DOCK2: variants seen among roughly 807,000 people sequenced by gnomAD.
DOCK2 encodes the protein dedicator of cytokinesis protein 2.
In DOCK2, 87 loss-of-function variants were observed where a neutral mutation model predicts 248.9. The observed-to-expected ratio is 0.35, with a 90% confidence interval of 0.29 to 0.42. The LOEUF (loss-of-function observed/expected upper bound fraction) is 0.42, where lower values mean the gene tolerates loss of function less well. Among genes scored for constraint, DOCK2 ranks in the 10% least tolerant of loss-of-function variants. The probability of loss-of-function intolerance (pLI) is 1.00; values close to 1 mark genes in which losing one functional copy is unlikely to be tolerated. For missense variants in DOCK2, 1,747 were observed against 2,300.2 expected, an observed-to-expected ratio of 0.76 and a Z score of 4.92; for synonymous variants, 805 against 821.6, an observed-to-expected ratio of 0.98 and a Z score of 0.35.
intron 30 of DOCK2, among the ~76,000 whole-genome samples, chr5:170,006,158 C>G (rs1036776986): frequency 1.3e-5 from 2 of 152,080 alleles, no homozygotes; most frequent in Non-Finnish European, 2.9e-5. Flanking sequence ...ACTGGGATGC[C>G]GGGAGGAAAG....
intron 27 of DOCK2, among the ~76,000 whole-genome samples, chr5:169,911,213 T>A (rs1339017270): frequency 1.3e-5 from 2 of 152,176 alleles, no homozygotes; most frequent in Non-Finnish European, 2.9e-5. Context: ...TGTGCTGTGC[T>A]TTGAAACAGA....
At chr5:169,697,530 C>G (rs1370872188) in intron 10 of DOCK2, among the ~76,000 whole-genome samples, 2 of 152,198 alleles carry the variant, frequency 1.3e-5, no homozygotes, top group East Asian at 3.9e-4. Flanking sequence ...CTATGAATAA[C>G]TTTGGAGCCA....
chr5:170,005,700 C>G (rs1000374208), intron 30 of DOCK2, among the ~76,000 whole-genome samples: 1 of 151,810 alleles, frequency 6.6e-6, no homozygotes, highest in Non-Finnish European at 1.5e-5. Flanking sequence ...AAATCATACA[C>G]TTAAAAAGTG....
chr5:169,703,321 T>C (rs1203944606), intron 14 of DOCK2, among the ~76,000 whole-genome samples: 1 of 152,212 alleles, frequency 6.6e-6, no homozygotes, highest in Non-Finnish European at 1.5e-5. Flanking sequence ...CAAGAATAAC[T>C]AACATTCACA....
chr5:169,716,042 G>A (rs898530517), intron 19 of DOCK2, among the ~76,000 whole-genome samples, 171 bp from the exon 20 acceptor site: 1 of 152,192 alleles, frequency 6.6e-6, no homozygotes, highest in African/African-American at 2.4e-5. Flanking sequence ...ATGGGCAGTT[G>A]GGTTCCTCCA....
At chr5:169,691,978 C>T (rs1266669877) in intron 9 of DOCK2, among the ~76,000 whole-genome samples, 1 of 151,970 alleles carries the variant, frequency 6.6e-6, no homozygotes, top group African/African-American at 2.4e-5. Context: ...GCTTCAGCCT[C>T]CCAAGTAGCT....
intron 25 of DOCK2, among the ~76,000 whole-genome samples, chr5:169,793,367 T>C (rs1766467100): frequency 6.6e-6 from 1 of 152,198 alleles, no homozygotes; most frequent in Non-Finnish European, 1.5e-5. Context: ...TGCACTGTTA[T>C]AGTAAGGAAG....
intron 19 of DOCK2, among the ~76,000 whole-genome samples, chr5:169,715,004 G>A (rs1047814204): frequency 6.6e-6 from 1 of 152,046 alleles, no homozygotes; most frequent in African/African-American, 2.4e-5. Context: ...AGTATGATCT[G>A]TTAGTACTAC....
intron 6 of DOCK2, among the ~76,000 whole-genome samples, chr5:169,676,558 G>A (rs1759346328): frequency 6.6e-6 from 1 of 152,176 alleles, no homozygotes; most frequent in African/African-American, 2.4e-5. Flanking sequence ...CTGCAAGCGA[G>A]AGAGTTGGGC....
intron 27 of DOCK2, among the ~76,000 whole-genome samples, chr5:169,907,203 T>C (rs781019432): frequency 6.6e-6 from 1 of 152,234 alleles, no homozygotes; most frequent in East Asian, 1.9e-4. Flanking sequence ...TTTCTGCTTA[T>C]TGGCAGGCAA....
chr5:169,970,902 A>G (rs1450982478), intron 27 of DOCK2, among the ~76,000 whole-genome samples: 1 of 151,600 alleles, frequency 6.6e-6, no homozygotes, highest in Non-Finnish European at 1.5e-5. Flanking sequence ...ATCCGAATAT[A>G]CGTATGGGAG....
intron 34 of DOCK2, among the ~76,000 whole-genome samples, chr5:170,028,858 A>G (rs370007103): frequency 1.1e-4 from 17 of 152,118 alleles, no homozygotes; most frequent in East Asian, 5.8e-4. Flanking sequence ...AATGTTTTCA[A>G]GGTTCATCCA....
At chr5:169,809,292 G>C (rs2113170861) in intron 26 of DOCK2, among the ~76,000 whole-genome samples, 1 of 152,286 alleles carries the variant, frequency 6.6e-6, no homozygotes, top group African/African-American at 2.4e-5. Flanking sequence ...CGCCCGGCCA[G>C]GTTTTGATGT....
intron 12 of DOCK2, 92 bp downstream of exon 12, chr5:169,699,550 T>C: frequency 4.0e-6 from 5 of 1,246,870 alleles, no homozygotes; most frequent in South Asian, 1.4e-5. Flanking sequence ...AACCCTGGGA[T>C]ACTTAGCTTT....
intron 27 of DOCK2, among the ~76,000 whole-genome samples, chr5:169,896,283 A>G (rs114831411): frequency 0.01 from 1,555 of 152,308 alleles, 20 homozygotes; most frequent in African/African-American, 0.036. Flanking sequence ...GTTTATCTGA[A>G]GTACCGGGAC....
intron 26 of DOCK2, among the ~76,000 whole-genome samples, chr5:169,835,863 G>A (rs1769544298): frequency 6.6e-6 from 1 of 151,578 alleles, no homozygotes; most frequent in Admixed American, 6.6e-5. Flanking sequence ...CTGGGCTCAA[G>A]CCTGCCTCAG....
chr5:169,874,439 G>A (rs369491767), intron 27 of DOCK2, among the ~76,000 whole-genome samples: 38 of 146,862 alleles, frequency 2.6e-4, no homozygotes, highest in African/African-American at 8.8e-4. Flanking sequence ...AAAAGCAATT[G>A]GTGGTCTGTG....
intron 26 of DOCK2, among the ~76,000 whole-genome samples, chr5:169,830,230 C>CTA (rs1769132126): frequency 6.6e-6 from 1 of 152,156 alleles, no homozygotes. Flanking sequence ...CGTAGCAGAT[C>CTA]TATAAGGTTA....
At chr5:169,768,386 T>C (rs1197219183) in intron 25 of DOCK2, among the ~76,000 whole-genome samples, 3 of 152,254 alleles carry the variant, frequency 2.0e-5, no homozygotes, top group African/African-American at 4.8e-5. Context: ...CTATGCTTTA[T>C]TCTTATGAGG....
Sources: allele counts gnomAD v4.1 joint callset (sites outside exome capture counted in the v4.1 genomes callset), GRCh38; gene constraint gnomAD v4.1.1; transcripts MANE v1.5; gene names NCBI Gene and HGNC (gene_info 2026-07-23, HGNC 2026-07-21).